Variants in PCBP3 observed in about 807,000 individuals in gnomAD.
PCBP3 encodes the protein poly(rC) binding protein 3, also known as poly(rC)-binding protein 3.
A neutral mutation model predicts 52.7 loss-of-function variants in PCBP3; 25 were observed. The observed-to-expected ratio is 0.47, with a 90% CI of 0.35 to 0.66. PCBP3 has a LOEUF of 0.66. PCBP3 is among the 30% of genes least tolerant of loss of function. The pLI is 0.01. For synonymous variants in PCBP3, 162 were observed against 183.0 expected (o/e 0.89, Z 0.93); for missense variants, 391 against 490.3 (o/e 0.80, Z 1.91).
At chr21:45,662,262 T>A (rs969917144) in intron 1 of PCBP3, among the ~76,000 whole-genome samples, 1 of 147,182 alleles carries the variant, frequency 6.8e-6, no homozygotes, top group Non-Finnish European at 1.5e-5. Context: ...TATGTGCCAA[T>A]ATACCTAAGT....
At chr21:45,654,647 A>G (rs373066235) in intron 1 of PCBP3, among the ~76,000 whole-genome samples, 28 of 152,232 alleles carry the variant, frequency 1.8e-4, no homozygotes, top group African/African-American at 6.5e-4. Flanking sequence ...CCAACATTAC[A>G]TATTTTTTAA....
At chr21:45,836,132 T>C (rs2093582154) in intron 4 of PCBP3, among the ~76,000 whole-genome samples, 2 of 151,794 alleles carry the variant, frequency 1.3e-5, no homozygotes, top group South Asian at 4.2e-4. Flanking sequence ...TTCCTGGCCG[T>C]GGGTTGCCCC....
rs543038959 is a variant in PCBP3, at chr21:45,653,689, G to T, written c.-279+9821G>T. 7.2e-5 allele frequency among the ~76,000 whole-genome samples: 11 copies of T among 152,002 alleles called. No homozygotes were observed. In the South Asian group the frequency reaches 2.3e-3, roughly 32 times the overall value. ...TTTTTCATTCAATCTGACAGTCTTT[G>T]TCTTTTAATTGGAACAGTTCATTTA... is the stretch of plus-strand genomic sequence containing the variant. On this transcript the variant is annotated intron_variant, in intron 1 of 17. Coordinates refer to ENST00000681687, the MANE Select transcript of PCBP3 (RefSeq NM_001384156.1).
At chr21:45,920,270 AC>A (rs2074252731) in intron 13 of PCBP3, among the ~76,000 whole-genome samples, 1 of 152,050 alleles carries the variant, frequency 6.6e-6, no homozygotes, top group Admixed American at 6.5e-5. Context: ...TTGGCTGAGC[AC>A]CCGTCTGAGC....
intron 2 of PCBP3, among the ~76,000 whole-genome samples, chr21:45,709,026 AC>A (rs919102718): frequency 1.6e-4 from 24 of 152,246 alleles, no homozygotes; most frequent in Non-Finnish European, 1.5e-5. Context: ...TAGCGGCAGA[AC>A]TTTTGGACAA....
At chr21:45,693,078 T>C (rs960771795) in intron 2 of PCBP3, among the ~76,000 whole-genome samples, 5 of 152,148 alleles carry the variant, frequency 3.3e-5, no homozygotes. Flanking sequence ...TTGACAAAAT[T>C]CAACACCCAC....
At chr21:45,647,297 C>G (rs1268168400) in intron 1 of PCBP3, among the ~76,000 whole-genome samples, 1 of 152,222 alleles carries the variant, frequency 6.6e-6, no homozygotes, top group Non-Finnish European at 1.5e-5. Context: ...GAAATACTCC[C>G]TGATTCCCTA....
chr21:45,874,128 C>T (rs1048238258), intron 5 of PCBP3, among the ~76,000 whole-genome samples: 1 of 152,126 alleles, frequency 6.6e-6, no homozygotes, highest in Non-Finnish European at 1.5e-5. Flanking sequence ...GCGCCCGGCC[C>T]GCTTGTCTAT....
intron 2 of PCBP3, among the ~76,000 whole-genome samples, chr21:45,686,164 T>C (rs1180450033): frequency 6.6e-6 from 1 of 152,108 alleles, no homozygotes; most frequent in Non-Finnish European, 1.5e-5. Context: ...GTGATTCGCC[T>C]GCCTTGGCCT....
intron 3 of PCBP3, among the ~76,000 whole-genome samples, chr21:45,743,111 C>T (rs2086571179): frequency 6.6e-6 from 1 of 152,056 alleles, no homozygotes; most frequent in East Asian, 1.9e-4. Context: ...AGCTTTCTTG[C>T]TGTAGGTTTT....
intron 5 of PCBP3, among the ~76,000 whole-genome samples, chr21:45,888,837 G>A (rs985635408): frequency 1.3e-5 from 2 of 152,180 alleles, no homozygotes; most frequent in African/African-American, 2.4e-5. Context: ...TTAAACACAC[G>A]TGGACAGTAT....
intron 4 of PCBP3, among the ~76,000 whole-genome samples, chr21:45,773,273 G>T (rs763214914): frequency 1.5e-4 from 23 of 152,154 alleles, no homozygotes; most frequent in Non-Finnish European, 2.9e-4. Context: ...ATAGTTTCAG[G>T]TCTTACATTT....
chr21:45,744,585 T>C (rs916392602), intron 3 of PCBP3, among the ~76,000 whole-genome samples: 2 of 152,208 alleles, frequency 1.3e-5, no homozygotes, highest in Non-Finnish European at 2.9e-5. Context: ...TAATTTTTTC[T>C]CCAAAATAGC....
chr21:45,786,014 C>CT (rs1244776596), intron 4 of PCBP3, among the ~76,000 whole-genome samples: 3 of 150,234 alleles, frequency 2.0e-5, no homozygotes, highest in Non-Finnish European at 4.4e-5. Flanking sequence ...GCAGGGTCCT[C>CT]TGCCTAGGAA....
intron 1 of PCBP3, among the ~76,000 whole-genome samples, chr21:45,665,250 A>C (rs1349809732): frequency 6.6e-6 from 1 of 152,038 alleles, no homozygotes; most frequent in African/African-American, 2.4e-5. Flanking sequence ...AAAAAATAAA[A>C]ATAAAAAATT....
At chr21:45,663,117 GTAC>G (rs561113312) in intron 1 of PCBP3, among the ~76,000 whole-genome samples, 1 of 151,908 alleles carries the variant, frequency 6.6e-6, no homozygotes, top group Non-Finnish European at 1.5e-5. Context: ...ATTAGTGAAA[GTAC>G]TAAAAGTCTC....
At chr21:45,884,966 C>T (rs1315527945) in intron 5 of PCBP3, among the ~76,000 whole-genome samples, 1 of 152,284 alleles carries the variant, frequency 6.6e-6, no homozygotes, top group East Asian at 1.9e-4. Flanking sequence ...TTAGAGGACT[C>T]GAGAGTGAAG....
At chr21:45,883,903 G>A (rs1374075702) in intron 5 of PCBP3, among the ~76,000 whole-genome samples, 1 of 152,122 alleles carries the variant, frequency 6.6e-6, no homozygotes, top group East Asian at 1.9e-4. Context: ...TGAGATGTTA[G>A]GGCTTAAATC....
intron 4 of PCBP3, among the ~76,000 whole-genome samples, chr21:45,846,620 T>G (rs2093818423): frequency 1.3e-5 from 2 of 152,206 alleles, no homozygotes; most frequent in Non-Finnish European, 2.9e-5. Context: ...TGTTCTTAGG[T>G]TTCTGTTTCT....
Sources: allele counts gnomAD v4.1 joint callset (sites outside exome capture counted in the v4.1 genomes callset), GRCh38; gene constraint gnomAD v4.1.1; transcripts MANE v1.5; gene names NCBI Gene and HGNC (gene_info 2026-07-23, HGNC 2026-07-21).